Variants in SFI1 observed in about 807,000 individuals in gnomAD.
SFI1 encodes the protein SFI1 centrin binding protein.
A neutral mutation model predicts 207.5 loss-of-function variants in SFI1; 195 were observed. The observed-to-expected ratio is 0.94, with a 90% CI of 0.84 to 1.06. SFI1 has a LOEUF of 1.06. Ranked by LOEUF, SFI1 falls within the 50% of genes least tolerant of loss-of-function variation. SFI1 has a pLI of 0.00. For missense variants in SFI1, 1,634 were observed against 1,588.0 expected (o/e 1.03, Z -0.49); for synonymous variants, 630 against 598.9 (o/e 1.05, Z -0.76).
In SFI1 at chr22:31,568,222, A is replaced by G. The variant is rs1359894164; in HGVS notation, c.766-4836A>G. ...TGTGTGTGTGTGTGTATATATATATATATATTTTTTTTTTTTTACCATAAA... is the reference window on the plus strand; with the variant it reads ...TGTGTGTGTGTGTGTATATATATATGTATATTTTTTTTTTTTTACCATAAA... On this transcript the variant is annotated intron_variant, in intron 8 of 32. Transcript: ENST00000400288. Among the ~76,000 whole-genome samples, 251 of 128,280 alleles carry G rather than the reference A, an allele frequency of 2.0e-3. 1 individual carries two copies. The highest frequency in any genetic ancestry group is 7.0e-3 in the African/African-American group (228 of 32,572). 84.2% of individuals were successfully genotyped at this position (128,280 alleles called of 152,430 possible). A position where few individuals can be genotyped will look rare whatever the true frequency, so the allele number is the denominator to read the frequency against.
intron 3 of SFI1, among the ~76,000 whole-genome samples, chr22:31,530,347 AGGTGCAGTGGCG>A (rs2058371621): frequency 6.7e-6 from 1 of 149,608 alleles, no homozygotes. Flanking sequence ...AAAATTAGCC[AGGTGCAGTGGCG>A]GGTGCCTGTG....
chr22:31,504,443 G>A (rs1240075782), intron 1 of SFI1, among the ~76,000 whole-genome samples: 1 of 152,076 alleles, frequency 6.6e-6, no homozygotes. Flanking sequence ...GATTATAAGG[G>A]TGACTTCATT....
intron 8 of SFI1, among the ~76,000 whole-genome samples, chr22:31,569,667 G>A (rs1424330207): frequency 6.6e-6 from 1 of 152,140 alleles, no homozygotes; most frequent in South Asian, 2.1e-4. Context: ...GTACATCAGA[G>A]CCAGGCGTGG....
chr22:31,617,858 A>G (rs761846441), intron 31 of SFI1, among the ~76,000 whole-genome samples: 6 of 151,984 alleles, frequency 3.9e-5, no homozygotes, highest in Non-Finnish European at 7.4e-5. Flanking sequence ...GCACAGGGGG[A>G]GAGAGACAAG....
At chr22:31,533,768 A>T in intron 4 of SFI1, among the ~76,000 whole-genome samples, 1 of 152,108 alleles carries the variant, frequency 6.6e-6, no homozygotes, top group East Asian at 1.9e-4. Flanking sequence ...TGCCTTAAAT[A>T]AATTTTTTTG....
intron 7 of SFI1, among the ~76,000 whole-genome samples, chr22:31,560,855 C>A (rs1471879048): frequency 1.3e-5 from 2 of 152,142 alleles, no homozygotes; most frequent in Non-Finnish European, 2.9e-5. Flanking sequence ...GAGCATGCCA[C>A]TACCACCTGG....
At chr22:31,534,307 T>A (rs1379467675) in intron 4 of SFI1, among the ~76,000 whole-genome samples, 1 of 152,144 alleles carries the variant, frequency 6.6e-6, no homozygotes, top group Non-Finnish European at 1.5e-5. Flanking sequence ...ATTCTCATTT[T>A]ATATAGCCAA....
rs965248025 is a variant in SFI1 at position 31,546,766 on chromosome 22, T to C, written c.339-95T>C. ...ACAGGTGTGAGCCACCACGCCCGGC[T>C]GTACTTTTTCATGAGACGGCAAGAA... On this transcript the variant is annotated intron_variant, in intron 4 of 32. Coordinates refer to ENST00000400288, the MANE Select transcript of SFI1 (RefSeq NM_001007467.3). 4 of 815,572 alleles carry C rather than the reference T, an allele frequency of 4.9e-6. No individual in the cohort carries two copies. In the Admixed American group the frequency reaches 1.1e-4, roughly 22 times the overall value. 50.5% of individuals were successfully genotyped at this position (815,572 alleles called of 1,614,324 possible).
intron 5 of SFI1, among the ~76,000 whole-genome samples, chr22:31,547,581 G>T (rs1467943898): frequency 6.6e-6 from 1 of 151,804 alleles, no homozygotes; most frequent in Admixed American, 6.6e-5. Flanking sequence ...GAAGTGCTGG[G>T]ATTACAGGCA....
Position 31,556,942 on chromosome 22 carries a change from A to G in SFI1, c.545A>G (p.Asp182Gly). Reference sequence around the variant, plus strand: ...TGAAAAATCTCTTTGGTGAATCTAGATGCAAAGCAAAAGATGCGACAGGCC... The same window carrying G: ...TGAAAAATCTCTTTGGTGAATCTAGGTGCAAAGCAAAAGATGCGACAGGCC... ...RNKYIRAEVH[D>G]AKQKMRQAWK... is the part of the protein sequence containing the mutation. The change falls in exon 7 of 33, where the codon GAT becomes GGT. Residue 182 changes from aspartate (D) to glycine (G), a missense_variant and splice_region_variant. Coordinates refer to ENST00000400288, the MANE Select transcript of SFI1 (RefSeq NM_001007467.3). 2 of 1,597,374 alleles carry G rather than the reference A, an allele frequency of 1.3e-6. No individual in the cohort carries two copies. Among genetic ancestry groups the G allele is most frequent in the South Asian group, 2.2e-5 (2 of 89,102 alleles).
In SFI1 at chr22:31,602,657, G is replaced by A; in HGVS notation, c.1677G>A (p.Trp559Ter). Residue 559 changes from tryptophan (W) to a stop codon, truncating the protein, a stop_gained, in exon 17 of 33, where the codon TGG becomes TGA. Transcript: ENST00000400288. LOFTEE classifies it high-confidence loss of function. The stretch of plus-strand genomic sequence containing the variant: ...TTCTGTATAGGTCTTGGTTCATGTG[G>A]CACCAGCAGGCAGCAGCACGTCACC... ...RQLLYRSWFM[W>*]HQQAAARHQE... The A allele has an allele frequency of 6.2e-7, 1 of 1,614,168 alleles. No individual in the cohort carries two copies. Among genetic ancestry groups the A allele is most frequent in the Non-Finnish European group, 8.5e-7 (1 of 1,180,032 alleles).
intron 15 of SFI1, among the ~76,000 whole-genome samples, chr22:31,593,404 C>T (rs958060293): frequency 2.8e-5 from 4 of 140,852 alleles, no homozygotes; most frequent in Non-Finnish European, 6.2e-5. Context: ...GATGGGCGGC[C>T]GGGCAGAGAC....
At position 31,530,886 on chromosome 22, in the gene SFI1, T is replaced by C. The variant is rs184367853; in HGVS notation, c.267-172T>C. On this transcript the variant is annotated intron_variant, in intron 3 of 32. Transcript: ENST00000400288. Reference sequence around the variant, plus strand: ...ATCTGCTTGATTTTAGCTTTATAAATCTGCCCCATCCTATGCCCTGTATGA... The same window carrying C: ...ATCTGCTTGATTTTAGCTTTATAAACCTGCCCCATCCTATGCCCTGTATGA... The C allele has an allele frequency of 1.2e-3, 720 of 589,170 alleles. 2 individuals carry two copies. Among genetic ancestry groups the C allele is most frequent in the Non-Finnish European group, 1.8e-4 (58 of 330,060 alleles). 36.5% of individuals were successfully genotyped at this position (589,170 alleles called of 1,614,324 possible).
intron 4 of SFI1, among the ~76,000 whole-genome samples, chr22:31,543,531 T>C (rs1212371180): frequency 6.6e-6 from 1 of 152,142 alleles, no homozygotes; most frequent in Non-Finnish European, 1.5e-5. Context: ...TGAGTGGAAT[T>C]GAGCATGGTG....
At chr22:31,561,869 T>C (rs1436348420) in intron 8 of SFI1, among the ~76,000 whole-genome samples, 1 of 152,216 alleles carries the variant, frequency 6.6e-6, no homozygotes, top group Non-Finnish European at 1.5e-5. Flanking sequence ...ACTAAAACTT[T>C]CTTATCCTTT....
At chr22:31,513,561 C>CGTTTTGTTTTGTTTTGTTTT (rs140696308) in intron 2 of SFI1, among the ~76,000 whole-genome samples, 8,867 of 146,072 alleles carry the variant, frequency 0.061, 373 homozygotes, top group African/African-American at 0.11. Context: ...TTTGGTTTTT[C>CGTTTTGTTTTGTTTTGTTTT]GTTTTGTTTT....
chr22:31,543,662 TA>T (rs1324494167), intron 4 of SFI1, among the ~76,000 whole-genome samples: 2 of 151,642 alleles, frequency 1.3e-5, no homozygotes, highest in Non-Finnish European at 2.9e-5. Flanking sequence ...GTACAAAAAT[TA>T]GCTGGGCATG....
chr22:31,528,815 G>A lies in SFI1; in HGVS notation c.218G>A (p.Gly73Asp). Residue 73 changes from glycine (G) to aspartate (D), a missense_variant, in exon 3 of 33, where the codon GGC becomes GAC. Coordinates refer to ENST00000400288, the MANE Select transcript of SFI1 (RefSeq NM_001007467.3). Reference sequence around the variant, plus strand: ...ACCAGTCATCTAGTGCAGTATCGTGGCACACATACTTGTACCCGACAGGGC... The same window carrying A: ...ACCAGTCATCTAGTGCAGTATCGTGACACACATACTTGTACCCGACAGGGC... ...PSTSHLVQYR[G>D]THTCTRQGRL... 1 of 1,614,058 alleles carries A rather than the reference G, an allele frequency of 6.2e-7. No homozygotes were observed.
chr22:31,575,415 T>C, intron 10 of SFI1, 23 bp downstream of exon 10: 1 of 1,565,642 alleles, frequency 6.4e-7, no homozygotes, highest in Non-Finnish European at 8.7e-7. Context: ...ATACTCAGGC[T>C]GTCCATTGCC....
Sources: allele counts gnomAD v4.1 joint callset (sites outside exome capture counted in the v4.1 genomes callset), GRCh38; gene constraint gnomAD v4.1.1; transcripts MANE v1.5; gene names NCBI Gene and HGNC (gene_info 2026-07-23, HGNC 2026-07-21).